Variants in HLA-DRA observed in about 807,000 individuals in gnomAD.
HLA-DRA encodes the protein major histocompatibility complex, class II, DR alpha.
In HLA-DRA, 8 loss-of-function variants were observed where a neutral mutation model predicts 22.1. The observed-to-expected ratio is 0.36, with a 90% CI of 0.21 to 0.65. HLA-DRA has a LOEUF of 0.65. Among genes scored for constraint, HLA-DRA ranks in the 30% least tolerant of loss-of-function variants. HLA-DRA has a pLI of 0.63. For synonymous variants in HLA-DRA, 101 were observed against 117.1 expected (o/e 0.86, Z 0.89); for missense variants, 248 against 321.3 (o/e 0.77, Z 1.74).
chr6:32,440,750 C>G (rs9268645), intron 1 of HLA-DRA, among the ~76,000 whole-genome samples: 58,829 of 152,078 alleles, frequency 0.39, 11,707 homozygotes, highest in Middle Eastern at 0.62. Flanking sequence ...TGATATTATT[C>G]TCTCTCATCT....
chr6:32,442,722 C>T (rs777724396), intron 2 of HLA-DRA, 29 bp downstream of exon 2: 38 of 1,608,290 alleles, frequency 2.4e-5, no homozygotes, highest in Non-Finnish European at 3.2e-5. Context: ...CACTCCTGGA[C>T]ATGGGAATCC....
intron 1 of HLA-DRA, among the ~76,000 whole-genome samples, chr6:32,441,343 C>T (rs1762605479): frequency 6.6e-6 from 1 of 152,142 alleles, no homozygotes; most frequent in Non-Finnish European, 1.5e-5. Context: ...GGCGATAGAG[C>T]AAGACTCCGT....
chr6:32,443,008 T>G (rs1269425403), intron 2 of HLA-DRA, among the ~76,000 whole-genome samples, 177 bp from the exon 3 acceptor site: 1 of 152,082 alleles, frequency 6.6e-6, no homozygotes, highest in Non-Finnish European at 1.5e-5. Context: ...GGGGAGGGGG[T>G]GCTGTCAGAG....
At chr6:32,441,246 T>C (rs1762595646) in intron 1 of HLA-DRA, among the ~76,000 whole-genome samples, 1 of 152,252 alleles carries the variant, frequency 6.6e-6, no homozygotes, top group East Asian at 1.9e-4. Context: ...TAGTCCCAGC[T>C]ACTCGGGAGG....
At chr6:32,443,158 C>T (rs1229433569) in intron 2 of HLA-DRA, 27 bp from the exon 3 acceptor site, 3 of 1,599,078 alleles carry the variant, frequency 1.9e-6, no homozygotes, top group Non-Finnish European at 2.6e-6. Context: ...TGGCTGATTT[C>T]TGTCATGTCT....
chr6:32,443,602 T>C, intron 3 of HLA-DRA, 136 bp downstream of exon 3: 3 of 1,139,418 alleles, frequency 2.6e-6, no homozygotes, highest in East Asian at 2.4e-5. Context: ...AGCTTCCTCC[T>C]TTTTTTAATC....
intron 2 of HLA-DRA, 41 bp from the exon 3 acceptor site, chr6:32,443,144 G>T: frequency 6.4e-7 from 1 of 1,574,632 alleles, no homozygotes; most frequent in Non-Finnish European, 8.7e-7. Context: ...AGCCTAAGCA[G>T]TGATGGCTGA....
chr6:32,443,998 A>C, intron 4 of HLA-DRA, 77 bp downstream of exon 4: 1 of 1,122,806 alleles, frequency 8.9e-7, no homozygotes, highest in East Asian at 2.7e-5. Flanking sequence ...AAGGAAATGT[A>C]ATGCATTTAA....
In HLA-DRA at chr6:32,443,409, G is replaced by A. The variant is rs200798853; in HGVS notation, c.553G>A (p.Val185Ile). 1.9e-5 allele frequency: 31 copies of A among 1,612,934 alleles called. No homozygotes were observed. Among genetic ancestry groups the A allele is most frequent in the South Asian group, 4.4e-5 (4 of 91,082 alleles). ...YLPFLPSTED[V>I]YDCRVEHWGL... ...CCCCTTCCTGCCCTCAACTGAGGAC[G>A]TTTACGACTGCAGGGTGGAGCACTG... is the stretch of plus-strand genomic sequence containing the variant. Residue 185 changes from valine (V) to isoleucine (I), a missense_variant, in exon 3 of 5, where the codon GTT (valine) becomes ATT (isoleucine). Physicochemically the swap from Val to Ile is conservative, Grantham distance 29. Coordinates refer to ENST00000395388, the MANE Select transcript of HLA-DRA (RefSeq NM_019111.5).
At chr6:32,443,141 G>A in intron 2 of HLA-DRA, 44 bp from the exon 3 acceptor site, 1 of 1,555,490 alleles carries the variant, frequency 6.4e-7, no homozygotes, top group Non-Finnish European at 8.8e-7. Context: ...GTGAGCCTAA[G>A]CAGTGATGGC....
intron 1 of HLA-DRA, among the ~76,000 whole-genome samples, chr6:32,441,085 A>G (rs1481542257): frequency 6.6e-6 from 1 of 152,232 alleles, no homozygotes; most frequent in African/African-American, 2.4e-5. Context: ...TTGGCTGGGC[A>G]CGGTGGCTCA....
intron 1 of HLA-DRA, among the ~76,000 whole-genome samples, chr6:32,440,430 GAA>G (rs9279659): frequency 0.77 from 116,524 of 151,846 alleles, 45,026 homozygotes; most frequent in Middle Eastern, 0.89. Context: ...AGAATTAAAT[GAA>G]AAAAAAAAAG....
In HLA-DRA at chr6:32,443,270, C is replaced by T; in HGVS notation, c.414C>T (p.Thr138=). 1 of 1,612,930 alleles carries T rather than the reference C, an allele frequency of 6.2e-7. No homozygotes were observed. Among genetic ancestry groups the T allele is most frequent in the Middle Eastern group, 1.6e-4 (1 of 6,062 alleles). The part of the protein sequence containing the change: ...NVLICFIDKF[T]PPVVNVTWLR... ...TCATCTGTTTCATAGACAAGTTCAC[C>T]CCACCAGTGGTCAATGTCACGTGGC... The change falls in exon 3 of 5, where the codon ACC becomes ACT. Residue 138 remains threonine, a synonymous_variant. Coordinates refer to ENST00000395388, the MANE Select transcript of HLA-DRA (RefSeq NM_019111.5).
chr6:32,441,527 C>T (rs1241948438), intron 1 of HLA-DRA, among the ~76,000 whole-genome samples: 1 of 152,154 alleles, frequency 6.6e-6, no homozygotes, highest in African/African-American at 2.4e-5. Context: ...CAATGTCAAT[C>T]ATAACAGAAC....
Position 32,443,256 on chromosome 6 carries a change from A to C in HLA-DRA, c.400A>C (p.Ile134Leu). 1 of 1,612,998 alleles carries C rather than the reference A, an allele frequency of 6.2e-7. No individual in the cohort carries two copies. Among genetic ancestry groups the C allele is most frequent in the Non-Finnish European group, 8.5e-7 (1 of 1,179,970 alleles). ...AGAGCCCAACGTCCTCATCTGTTTC[A>C]TAGACAAGTTCACCCCACCAGTGGT... The part of the protein sequence containing the change: ...LREPNVLICF[I>L]DKFTPPVVNV... The change falls in exon 3 of 5, where the codon ATA becomes CTA. Residue 134 changes from isoleucine to leucine, a missense_variant. By Grantham distance (5) the Ile-to-Leu change is conservative (BLOSUM62 2). Coordinates refer to ENST00000395388, the MANE Select transcript of HLA-DRA (RefSeq NM_019111.5).
chr6:32,441,775 G>A (rs1469945316), intron 1 of HLA-DRA, among the ~76,000 whole-genome samples: 1 of 152,174 alleles, frequency 6.6e-6, no homozygotes, highest in Non-Finnish European at 1.5e-5. Context: ...ACTCTAAAAT[G>A]TAAACAGTGC....
chr6:32,442,873 G>A (rs906751617), intron 2 of HLA-DRA, among the ~76,000 whole-genome samples, 180 bp downstream of exon 2: 1 of 152,162 alleles, frequency 6.6e-6, no homozygotes, highest in Non-Finnish European at 1.5e-5. Flanking sequence ...ATCCTATCTT[G>A]TTGTGCTCAA....
intron 2 of HLA-DRA, 84 bp downstream of exon 2, chr6:32,442,777 T>A: frequency 6.5e-7 from 1 of 1,528,736 alleles, no homozygotes; most frequent in Non-Finnish European, 8.9e-7. Flanking sequence ...TAGATTATTG[T>A]AACTGATTTT....
At position 32,443,741 on chromosome 6, in the gene HLA-DRA, C is replaced by T; in HGVS notation, c.611-15C>T. On this transcript the variant is annotated splice_polypyrimidine_tract_variant and intron_variant, in intron 3 of 4. Transcript: ENST00000395388. ...CCACACTCATTACCATGTACTCTGC[C>T]TTATTTCCCCCCAGAGTTTGATGCT... 6.4e-7 allele frequency: 1 copy of T among 1,566,842 alleles called. No individual in the cohort carries two copies. Among genetic ancestry groups the T allele is most frequent in the Non-Finnish European group, 8.6e-7 (1 of 1,158,920 alleles).
Sources: gnomAD v4.1 joint callset for allele counts (sites outside exome capture counted in the v4.1 genomes callset) on GRCh38, gnomAD v4.1.1 for gene constraint, MANE v1.5 for transcripts, NCBI Gene and HGNC (gene_info 2026-07-23, HGNC 2026-07-21) for gene names.